Variants in NR4A3 observed in about 807,000 individuals in gnomAD.
NR4A3 encodes chondrosarcoma, extraskeletal myxoid, fused to EWS.
NR4A3 carries 13 observed loss-of-function variants against 55.6 expected under a neutral mutation model. The ratio of observed to expected loss-of-function variants is 0.23; its 90% CI spans 0.15 to 0.37. NR4A3 has a LOEUF of 0.37. NR4A3 is among the 10% of genes least tolerant of loss of function. The pLI is 1.00. For synonymous variants in NR4A3, 342 were observed against 357.9 expected (o/e 0.96, Z 0.50); for missense variants, 646 against 822.8 (o/e 0.79, Z 2.63).
chr9:99,859,462 G>A (rs1205299918), intron 7 of NR4A3, among the ~76,000 whole-genome samples: 1 of 152,158 alleles, frequency 6.6e-6, no homozygotes, highest in African/African-American at 2.4e-5. Context: ...TATTATCTCA[G>A]CCCTTTTGAA....
intron 5 of NR4A3, among the ~76,000 whole-genome samples, chr9:99,840,917 T>A (rs1292981502): frequency 6.6e-6 from 1 of 152,114 alleles, no homozygotes; most frequent in Non-Finnish European, 1.5e-5. Context: ...AATTCCCTTT[T>A]CCCCACTCTC....
intron 2 of NR4A3, among the ~76,000 whole-genome samples, chr9:99,827,681 G>A (rs1827328814): frequency 6.6e-6 from 1 of 152,178 alleles, no homozygotes. Context: ...CTAGGTTATA[G>A]CTGAGGAGCC....
At chr9:99,855,769 GTT>G (rs1371553422) in intron 7 of NR4A3, among the ~76,000 whole-genome samples, 1 of 152,106 alleles carries the variant, frequency 6.6e-6, no homozygotes, top group Non-Finnish European at 1.5e-5. Context: ...AGTCCTGTTT[GTT>G]TGTGTTTGAG....
At position 99,828,846 on chromosome 9, in the gene NR4A3, C is replaced by G; in HGVS notation, c.804C>G (p.Ser268=). 1 of 1,495,310 alleles carries G rather than the reference C, an allele frequency of 6.7e-7. No homozygotes were observed. Among genetic ancestry groups the G allele is most frequent in the Non-Finnish European group, 8.9e-7 (1 of 1,127,070 alleles). The allele number at this position is 1,495,310 out of a possible 1,614,324, so 92.6% of individuals were successfully genotyped here. Residue 268 remains serine, a synonymous_variant, in exon 3 of 8, where the codon TCC becomes TCG. Transcript: ENST00000395097. This position sits in a 1 kb window ranked among gnomAD's most constrained non-coding sequence, Gnocchi z 7.7. Reference sequence around the variant, plus strand: ...GCCTCACGCCCTCCCCTACCGCGTCCAGCCTGCTGGGCGAGAGTCCCAGCC... The same window carrying G: ...GCCTCACGCCCTCCCCTACCGCGTCGAGCCTGCTGGGCGAGAGTCCCAGCC... ...PLGLTPSPTA[S]SLLGESPSLP... is the part of the protein sequence containing the mutation.
In NR4A3 at chr9:99,825,268, G is replaced by A. The variant is rs892701125; in HGVS notation, c.-176-391G>A. 2.0e-5 allele frequency among the ~76,000 whole-genome samples: 3 copies of A among 152,126 alleles called. No homozygotes were observed. The highest frequency in any genetic ancestry group is 7.2e-5 in the African/African-American group (3 of 41,430). ...GAACACTCACTGACCCCCCGTATTC[G>A]GGCGGAGCTCGTTCCTCAAGTGTTC... On this transcript the variant is annotated intron_variant, in intron 1 of 7. Coordinates refer to ENST00000395097, the MANE Select transcript of NR4A3 (RefSeq NM_006981.4). The surrounding 1 kb of genome is among the most constrained non-coding windows in gnomAD (Gnocchi z 5.0).
intron 1 of NR4A3, among the ~76,000 whole-genome samples, chr9:99,823,341 G>T (rs533714884): frequency 1.3e-3 from 198 of 152,278 alleles, no homozygotes; most frequent in African/African-American, 4.6e-3. Context: ...TGGAAGCCTC[G>T]GGGCAGTGGT....
chr9:99,852,167 C>T (rs1827860469), intron 7 of NR4A3, among the ~76,000 whole-genome samples: 1 of 152,138 alleles, frequency 6.6e-6, no homozygotes, highest in African/African-American at 2.4e-5. Context: ...GAGGTAGCAT[C>T]TAGACATGAG....
chr9:99,834,265 T>G (rs942053237), intron 5 of NR4A3, among the ~76,000 whole-genome samples: 9 of 152,138 alleles, frequency 5.9e-5, no homozygotes, highest in African/African-American at 2.2e-4. Context: ...TGAGAAAGGA[T>G]TTCCTGAGCA....
chr9:99,832,433 A>G (rs1268832857), intron 3 of NR4A3, among the ~76,000 whole-genome samples: 1 of 152,222 alleles, frequency 6.6e-6, no homozygotes, highest in Admixed American at 6.5e-5. Flanking sequence ...TGACCTGGTA[A>G]TTTCAGATAT....
chr9:99,831,523 T>TG (rs1827440554), intron 3 of NR4A3, among the ~76,000 whole-genome samples: 2 of 152,150 alleles, frequency 1.3e-5, no homozygotes, highest in Non-Finnish European at 2.9e-5. Flanking sequence ...AACTGAAACA[T>TG]GGGGGTTGAG....
At chr9:99,861,365 C>T (rs1828006140) in intron 7 of NR4A3, among the ~76,000 whole-genome samples, 1 of 152,130 alleles carries the variant, frequency 6.6e-6, no homozygotes, top group Admixed American at 6.5e-5. Context: ...ACTAAAAATA[C>T]AAAAATTAGC....
rs1344187871 is a variant in NR4A3 at position 99,833,935 on chromosome 9, G to GACA, written c.1254+482_1254+484dup. On this transcript the variant is annotated intron_variant, in intron 5 of 7. Coordinates refer to ENST00000395097, the MANE Select transcript of NR4A3 (RefSeq NM_006981.4). ...GTGGAGAGAAGCGAGCTCTGGCTGTGACATCAGTTGTCAGGAGAACTGGGA... is the reference window on the plus strand; with the variant it reads ...GTGGAGAGAAGCGAGCTCTGGCTGTGACAACATCAGTTGTCAGGAGAACTGGGA... 22 of 1,181,388 alleles carry GACA rather than the reference G, an allele frequency of 1.9e-5. No individual in the cohort carries two copies. In the African/African-American group the frequency reaches 3.5e-4, roughly 19 times the overall value. The allele number at this position is 1,181,388 out of a possible 1,614,324, so 73.2% of individuals were successfully genotyped here. A position where few individuals can be genotyped will look rare whatever the true frequency, so the allele number is the denominator to read the frequency against.
chr9:99,849,543 T>C (rs1244405209), intron 7 of NR4A3, among the ~76,000 whole-genome samples: 3 of 152,170 alleles, frequency 2.0e-5, no homozygotes. Context: ...GGAAACTGGT[T>C]CAAGGCTGCC....
At position 99,832,949 on chromosome 9, in the gene NR4A3, A is replaced by G; in HGVS notation, c.1081+131A>G. On this transcript the variant is annotated intron_variant, in intron 4 of 7. Coordinates refer to ENST00000395097, the MANE Select transcript of NR4A3 (RefSeq NM_006981.4). ...TTCCTTTCAACATTTTATTTTTATC[A>G]TATATATCTACATTTTAAAATAACT... The G allele has an allele frequency of 6.5e-6, 5 of 769,172 alleles. No homozygotes were observed. In the South Asian group the frequency reaches 8.7e-5, roughly 13 times the overall value. The allele number at this position is 769,172 out of a possible 1,614,324, so 47.6% of individuals were successfully genotyped here.
At chr9:99,823,105 G>A (rs1345947114) in intron 1 of NR4A3, among the ~76,000 whole-genome samples, 2 of 152,196 alleles carry the variant, frequency 1.3e-5, no homozygotes, top group Non-Finnish European at 2.9e-5. Context: ...GGGTGTAATT[G>A]GCGACTCCCG....
intron 6 of NR4A3, 132 bp from the exon 7 acceptor site, chr9:99,847,305 G>T: frequency 1.3e-6 from 1 of 753,146 alleles, no homozygotes; most frequent in East Asian, 2.5e-5. Context: ...TGGGTATCTG[G>T]CATGCTTCAT....
chr9:99,840,326 C>T (rs547741830), intron 5 of NR4A3, among the ~76,000 whole-genome samples: 1 of 152,306 alleles, frequency 6.6e-6, no homozygotes. Flanking sequence ...GGGCAGAAGC[C>T]TGCAGAGGAC....
intron 5 of NR4A3, among the ~76,000 whole-genome samples, chr9:99,842,108 A>AT (rs10626492): frequency 0.013 from 1,739 of 136,112 alleles, 26 homozygotes; most frequent in East Asian, 0.038. Flanking sequence ...GGACTCTCTG[A>AT]TTTTTTTTTT....
Position 99,864,051 on chromosome 9 carries a change from C to T in NR4A3, c.*184C>T, listed in dbSNP as rs1210604111. The T allele has an allele frequency of 1.6e-6, 1 of 620,916 alleles. No homozygotes were observed. The highest frequency in any genetic ancestry group is 1.9e-5 in the African/African-American group (1 of 53,750). The allele number at this position is 620,916 out of a possible 1,614,324, so 38.5% of individuals were successfully genotyped here. Reference sequence around the variant, plus strand: ...TTACAACCTAAAGCCAGAAAACTTGCAGAGTATTGTGTTGGGGTTGTGTTT... The same window carrying T: ...TTACAACCTAAAGCCAGAAAACTTGTAGAGTATTGTGTTGGGGTTGTGTTT... On this transcript the variant is annotated 3_prime_UTR_variant, in exon 8 of 8. Transcript: ENST00000395097.
Sources: gnomAD v4.1 joint callset for allele counts (sites outside exome capture counted in the v4.1 genomes callset) on GRCh38, gnomAD v4.1.1 for gene constraint, Gnocchi (gnomAD v3.1) non-coding constraint, MANE v1.5 for transcripts, NCBI Gene and HGNC (gene_info 2026-07-23, HGNC 2026-07-21) for gene names.